Variants in RUBCN observed in about 807,000 individuals in gnomAD.
RUBCN encodes rubicon autophagy regulator.
A neutral mutation model predicts 113.2 loss-of-function variants in RUBCN; 74 were observed. The observed-to-expected ratio is 0.65, with a 90% confidence interval of 0.54 to 0.79. The LOEUF is 0.79. RUBCN is among the 30% of genes least tolerant of loss of function. RUBCN has a pLI of 0.00. For synonymous variants in RUBCN, 480 were observed against 490.0 expected, an observed-to-expected ratio of 0.98 and a Z score of 0.27; for missense variants, 1,109 against 1,251.7, an observed-to-expected ratio of 0.89 and a Z score of 1.72.
At chr3:197,716,627 T>C (rs556687668) in intron 2 of RUBCN, among the ~76,000 whole-genome samples, 21 of 152,202 alleles carry the variant, frequency 1.4e-4, no homozygotes, top group Non-Finnish European at 2.9e-4. Flanking sequence ...TACATTCTAA[T>C]TCCTAGAACC....
At chr3:197,694,659 G>C (rs1256165441) in intron 9 of RUBCN, 74 bp from the exon 10 acceptor site, 1 of 1,354,794 alleles carries the variant, frequency 7.4e-7, no homozygotes, top group African/African-American at 1.4e-5. Flanking sequence ...ATGTGGAAAA[G>C]GGAGTTTCCA....
At chr3:197,737,077 C>T (rs1466030200), upstream of RUBCN, 3 of 482,480 alleles carry the variant, frequency 6.2e-6, no homozygotes, top group Non-Finnish European at 9.1e-6. Flanking sequence ...CAGGCCGCGC[C>T]CTCCAATCCC....
Position 197,703,627 on chromosome 3 carries a change from T to G in RUBCN, c.491A>C (p.His164Pro). The part of the protein sequence containing the change: ...TDAAFLLSDA[H>P]VTAMLQCLEA... ...CAGGCACTGCAGCATGGCCGTGACA[T>G]GAGCGTCACTTAGCAGGAAGGCAGC... The change falls in exon 5 of 20, where the codon CAT becomes CCT. Residue 164 changes from histidine (H) to proline (P), a missense_variant. Physicochemically the swap from His to Pro is moderately conservative, Grantham distance 77 (BLOSUM62 -2). Coordinates refer to ENST00000296343, the MANE Select transcript of RUBCN (RefSeq NM_014687.4). 6.2e-7 allele frequency: 1 copy of G among 1,613,724 alleles called. No individual in the cohort carries two copies. Among genetic ancestry groups the G allele is most frequent in the Non-Finnish European group, 8.5e-7 (1 of 1,179,842 alleles).
Position 197,717,992 on chromosome 3 carries a change from C to T in RUBCN, c.204G>A (p.Gly68=), listed in dbSNP as rs1322915295. 1.9e-6 allele frequency: 3 copies of T among 1,613,930 alleles called. No homozygotes were observed. The highest frequency in any genetic ancestry group is 2.7e-5 in the African/African-American group (2 of 75,036). ...CRDMQSILYH[G]LIRDQACRRQ... Reference sequence around the variant, plus strand: ...TTCTGCATACCTGGTCACGGATAAGCCCGTGATAGAGGATGCTCTGCATGT... The same window carrying T: ...TTCTGCATACCTGGTCACGGATAAGTCCGTGATAGAGGATGCTCTGCATGT... The change falls in exon 2 of 20, where the codon GGG becomes GGA. Residue 68 remains glycine (G), a synonymous_variant. Coordinates refer to ENST00000296343, the MANE Select transcript of RUBCN (RefSeq NM_014687.4).
intron 2 of RUBCN, among the ~76,000 whole-genome samples, chr3:197,707,689 A>G (rs1362064452): frequency 2.0e-5 from 3 of 152,108 alleles, no homozygotes; most frequent in Non-Finnish European, 4.4e-5. Context: ...CAAGCCGGGT[A>G]CAGGGGCTCA....
Position 197,687,793 on chromosome 3 carries a change from A to AC in RUBCN, c.1787-3577dup, listed in dbSNP as rs1291140073. Among the ~76,000 whole-genome samples the AC allele has an allele frequency of 4.6e-5, 7 of 151,974 alleles. No homozygotes were observed. The South Asian group carries it at 1.5e-3, about 32-fold the overall frequency. ...CCTCCCATGGACACCCTCCCTCAGC[A>AC]CCCCAGAGAACAGTTTCCTGGTGAC... On this transcript the variant is annotated intron_variant, in intron 11 of 19. Coordinates refer to ENST00000296343, the MANE Select transcript of RUBCN (RefSeq NM_014687.4).
Position 197,676,828 on chromosome 3 carries a change from C to G in RUBCN, c.2646+57G>C, listed in dbSNP as rs563740771. 31 of 1,612,756 alleles carry G rather than the reference C, an allele frequency of 1.9e-5. No individual in the cohort carries two copies. In the Middle Eastern group the frequency reaches 9.9e-4, roughly 51 times the overall value. The stretch of plus-strand genomic sequence containing the variant: ...TGGCAAGAACCCCAGGTCCACCCCC[C>G]TCCCTGTATCCCTAAAAGCAAGGGC... On this transcript the variant is annotated intron_variant, in intron 18 of 19. Transcript: ENST00000296343.
chr3:197,728,773 A>G (rs1424079536), intron 1 of RUBCN, among the ~76,000 whole-genome samples: 1 of 152,224 alleles, frequency 6.6e-6, no homozygotes, highest in East Asian at 1.9e-4. Flanking sequence ...CATGCTATGA[A>G]GGGAGATGTC....
At chr3:197,701,279 A>G in intron 6 of RUBCN, 133 bp from the exon 7 acceptor site, 1 of 777,428 alleles carries the variant, frequency 1.3e-6, no homozygotes, top group Non-Finnish European at 2.0e-6. Context: ...AAAATTATTT[A>G]GAAGCAGCTA....
Position 197,700,999 on chromosome 3 carries a change from T to C in RUBCN, c.875A>G (p.Asn292Ser), listed in dbSNP as rs201376440. 1.9e-6 allele frequency: 3 copies of C among 1,614,154 alleles called. No homozygotes were observed. The East Asian group carries it at 6.7e-5, about 36-fold the overall frequency. ...ALARDSPLTP[N>S]EMSSSTLTSP... ...GGTCAGAGTACTGGAGCTCATTTCA[T>C]TTGGGGTCAAAGGGGAATCCCTGGC... The change falls in exon 7 of 20, where the codon AAT becomes AGT. Residue 292 changes from asparagine (N) to serine (S), a missense_variant. This residue lies in a region of RUBCN where 736 missense variants were observed against 779.6 expected (regional missense o/e 0.94). Transcript: ENST00000296343.
Position 197,674,548 on chromosome 3 carries a change from G to A in RUBCN, c.*470C>T. 1.9e-6 allele frequency: 1 copy of A among 519,332 alleles called. No homozygotes were observed. The highest frequency in any genetic ancestry group is 4.0e-6 in the Non-Finnish European group (1 of 252,934). 32.2% of individuals were successfully genotyped at this position (519,332 alleles called of 1,614,324 possible). A position where few individuals can be genotyped will look rare whatever the true frequency, so the allele number is the denominator to read the frequency against. ...CTCCTCGGGGCACAGTCTGACCCCA[G>A]TCCAGGACAGGGAGAGGGAAAACGC... On this transcript the variant is annotated 3_prime_UTR_variant, in exon 20 of 20. Coordinates refer to ENST00000296343, the MANE Select transcript of RUBCN (RefSeq NM_014687.4).
chr3:197,675,058 T>C lies in RUBCN; in HGVS notation c.2879A>G (p.Glu960Gly). The C allele has an allele frequency of 6.2e-7, 1 of 1,613,096 alleles. No homozygotes were observed. The highest frequency in any genetic ancestry group is 8.5e-7 in the Non-Finnish European group (1 of 1,179,914). Residue 960 changes from glutamate to glycine, a missense_variant, in exon 20 of 20, where the codon GAA becomes GGA. This residue lies in a region of RUBCN where 306 missense variants were observed against 348.9 expected (regional missense o/e 0.88). Coordinates refer to ENST00000296343, the MANE Select transcript of RUBCN (RefSeq NM_014687.4). This position sits in a 1 kb window ranked among gnomAD's most constrained non-coding sequence, Gnocchi z 4.4. ...GACGGCGGCTTCCAGGGCCAGCGCT[T>C]CCGCGGGCTCCTCCTCGTAGTCTGA... is the stretch of plus-strand genomic sequence containing the variant. ...YLSDYEEEPA[E>G]ALALEAAVLE...
intron 4 of RUBCN, 132 bp downstream of exon 4, chr3:197,704,410 G>A: frequency 1.2e-6 from 1 of 865,866 alleles, no homozygotes; most frequent in East Asian, 2.5e-5. Context: ...CTCCAGCCTG[G>A]GTGACAAGAG....
chr3:197,682,024 AT>A, intron 14 of RUBCN, 125 bp from the exon 15 acceptor site: 1 of 783,258 alleles, frequency 1.3e-6, no homozygotes. Context: ...ATTCACCTAC[AT>A]TTTAGTTGGA....
intron 2 of RUBCN, among the ~76,000 whole-genome samples, chr3:197,712,818 T>C (rs1725103672): frequency 1.3e-5 from 2 of 152,104 alleles, no homozygotes; most frequent in Admixed American, 1.3e-4. Flanking sequence ...TATGCTTTGA[T>C]ATTTTTCATT....
rs1114167292 is a variant in RUBCN, at chr3:197,704,686, C to T, written c.319G>A (p.Glu107Lys). 40 of 1,613,804 alleles carry T rather than the reference C, an allele frequency of 2.5e-5. No homozygotes were observed. Among genetic ancestry groups the T allele is most frequent in the Middle Eastern group, 1.7e-4 (1 of 5,944 alleles). The part of the protein sequence containing the change: ...LHVEKFISVH[E>K]NDQSSADGAS... ...CCATCAGCACTGCTCTGGTCGTTCT[C>T]GTGCACGCTGATGAACTGGGAAGCA... The change falls in exon 4 of 20, where the codon GAG becomes AAG. Residue 107 changes from glutamate (E) to lysine (K), a missense_variant. By Grantham distance (56) the Glu-to-Lys change is moderately conservative. Coordinates refer to ENST00000296343, the MANE Select transcript of RUBCN (RefSeq NM_014687.4).
intron 2 of RUBCN, among the ~76,000 whole-genome samples, chr3:197,714,759 G>T (rs1433570652): frequency 2.6e-5 from 4 of 152,106 alleles, no homozygotes; most frequent in African/African-American, 9.7e-5. Context: ...CCCTGACAGG[G>T]GATGACATGA....
chr3:197,709,192 T>A (rs1392138578), intron 2 of RUBCN, among the ~76,000 whole-genome samples: 1 of 152,236 alleles, frequency 6.6e-6, no homozygotes, highest in East Asian at 1.9e-4. Flanking sequence ...GTCAATCAGT[T>A]AATGATCCAG....
chr3:197,688,812 C>T (rs1722125551), intron 11 of RUBCN, among the ~76,000 whole-genome samples: 2 of 152,100 alleles, frequency 1.3e-5, no homozygotes, highest in African/African-American at 4.8e-5. Flanking sequence ...TGGATAATTC[C>T]ATTTATACGA....
Sources: allele counts gnomAD v4.1 joint callset (sites outside exome capture counted in the v4.1 genomes callset), GRCh38; gene constraint gnomAD v4.1.1; regional missense constraint gnomAD v4.1.1; non-coding constraint Gnocchi (gnomAD v3.1); transcripts MANE v1.5; gene names NCBI Gene and HGNC (gene_info 2026-07-23, HGNC 2026-07-21).